Variants in TAF3 observed in about 807,000 individuals in gnomAD.
The protein encoded by TAF3 is TATA-box binding protein associated factor 3.
In TAF3, 7 loss-of-function variants were observed where a neutral mutation model predicts 80.6. The ratio of observed to expected loss-of-function variants is 0.09; its 90% CI spans 0.05 to 0.16. TAF3 has a LOEUF of 0.16. Among genes scored for constraint, TAF3 ranks in the 10% least tolerant of loss-of-function variants. The pLI is 1.00. For synonymous variants in TAF3, 444 were observed against 446.1 expected (o/e 1.00, Z 0.06); for missense variants, 921 against 1,140.2 (o/e 0.81, Z 2.77).
In TAF3 at chr10:7,914,221, G is replaced by T. The variant is rs148538084; in HGVS notation, c.410-49699G>T. ...AAAATACCTTTTCTATTAGAAATAC[G>T]TATGGAATTACTTACTGGTGAAATA... On this transcript the variant is annotated intron_variant, in intron 2 of 6. Transcript: ENST00000344293. Among the ~76,000 whole-genome samples the T allele has an allele frequency of 2.6e-3, 393 of 152,274 alleles. 1 individual carries two copies. The highest frequency in any genetic ancestry group is 3.9e-3 in the Non-Finnish European group (263 of 68,028).
At chr10:7,850,532 C>G (rs1056517396) in intron 2 of TAF3, among the ~76,000 whole-genome samples, 3 of 151,822 alleles carry the variant, frequency 2.0e-5, no homozygotes, top group African/African-American at 7.3e-5. Flanking sequence ...AAAAATTAGC[C>G]AGGCATGGTG....
intron 2 of TAF3, among the ~76,000 whole-genome samples, chr10:7,913,374 C>T (rs1241027794): frequency 2.0e-5 from 3 of 152,216 alleles, no homozygotes; most frequent in Non-Finnish European, 4.4e-5. Flanking sequence ...GCAGCCACTC[C>T]AGCTCTCATT....
At position 7,939,577 on chromosome 10, in the gene TAF3, TACACACACACACACAC is replaced by T. The variant is rs71385681; in HGVS notation, c.410-24314_410-24299del. On this transcript the variant is annotated intron_variant, in intron 2 of 6. Transcript: ENST00000344293. ...GACAATGTAGGAAATAGAAGAAAAC[TACACACACACACACAC>T]ACACACACACACACACACACACACA... Among the ~76,000 whole-genome samples, 59 of 139,304 alleles carry T rather than the reference TACACACACACACACAC, an allele frequency of 4.2e-4. 1 individual carries two copies. The highest frequency in any genetic ancestry group is 8.7e-4 in the African/African-American group (32 of 36,974). 91.4% of individuals were successfully genotyped at this position (139,304 alleles called of 152,430 possible).
chr10:7,851,299 C>T (rs1837024321), intron 2 of TAF3, among the ~76,000 whole-genome samples: 1 of 152,096 alleles, frequency 6.6e-6, no homozygotes, highest in Non-Finnish European at 1.5e-5. Context: ...CAGAGAGGAT[C>T]TGGTGTAAGG....
intron 4 of TAF3, among the ~76,000 whole-genome samples, chr10:8,006,907 T>C (rs1486071984): frequency 6.6e-6 from 1 of 152,232 alleles, no homozygotes; most frequent in African/African-American, 2.4e-5. Flanking sequence ...TACAACCCTC[T>C]GAGGCCACTG....
chr10:7,861,405 C>T (rs973404074), intron 2 of TAF3, among the ~76,000 whole-genome samples: 3 of 151,978 alleles, frequency 2.0e-5, no homozygotes, highest in Admixed American at 2.0e-4. Flanking sequence ...CGCACCCAGC[C>T]AACAGGAGCC....
intron 1 of TAF3, among the ~76,000 whole-genome samples, chr10:7,821,359 T>C (rs1449079521): frequency 6.6e-6 from 1 of 152,178 alleles, no homozygotes; most frequent in African/African-American, 2.4e-5. Context: ...TTTAAATCCT[T>C]TCTGTTGTTT....
chr10:7,884,312 C>A (rs1161254790), intron 2 of TAF3, among the ~76,000 whole-genome samples: 1 of 151,936 alleles, frequency 6.6e-6, no homozygotes, highest in Non-Finnish European at 1.5e-5. Flanking sequence ...TACTTTCTGG[C>A]CCAAGAAGAT....
intron 2 of TAF3, among the ~76,000 whole-genome samples, chr10:7,906,964 T>C (rs1837613618): frequency 6.6e-6 from 1 of 151,990 alleles, no homozygotes; most frequent in Non-Finnish European, 1.5e-5. Context: ...AGACTTTGCA[T>C]GTGAAGTGTA....
At chr10:7,857,910 A>ATTTTT (rs140922817) in intron 2 of TAF3, among the ~76,000 whole-genome samples, 6 of 138,542 alleles carry the variant, frequency 4.3e-5, no homozygotes, top group South Asian at 4.6e-4. Context: ...AACATTTCTG[A>ATTTTT]TTTTTTTTTT....
intron 2 of TAF3, among the ~76,000 whole-genome samples, chr10:7,958,997 G>A (rs758676243): frequency 1.3e-4 from 19 of 151,938 alleles, no homozygotes; most frequent in Admixed American, 2.0e-4. Flanking sequence ...AAAATTAGCC[G>A]GGCGTGGTGA....
intron 2 of TAF3, among the ~76,000 whole-genome samples, chr10:7,889,587 T>A (rs1837440123): frequency 6.6e-6 from 1 of 152,206 alleles, no homozygotes; most frequent in Non-Finnish European, 1.5e-5. Flanking sequence ...ATGCCTCCTG[T>A]CCCTTCCTCA....
intron 2 of TAF3, among the ~76,000 whole-genome samples, chr10:7,932,160 G>A (rs1038996039): frequency 6.6e-6 from 1 of 152,144 alleles, no homozygotes; most frequent in Admixed American, 6.5e-5. Context: ...GTTTTAAAAA[G>A]TAAAAGGAGG....
chr10:7,852,471 T>G (rs1005707257), intron 2 of TAF3, among the ~76,000 whole-genome samples: 2 of 152,232 alleles, frequency 1.3e-5, no homozygotes, highest in African/African-American at 4.8e-5. Flanking sequence ...CTGCGTTGTT[T>G]GTCCTGTAGA....
At chr10:7,892,358 T>C (rs1837463991) in intron 2 of TAF3, among the ~76,000 whole-genome samples, 1 of 152,196 alleles carries the variant, frequency 6.6e-6, no homozygotes, top group African/African-American at 2.4e-5. Context: ...GGAATGTATG[T>C]TCCTTTCTTC....
At chr10:7,905,998 A>T (rs894651598) in intron 2 of TAF3, among the ~76,000 whole-genome samples, 1 of 152,238 alleles carries the variant, frequency 6.6e-6, no homozygotes, top group African/African-American at 2.4e-5. Flanking sequence ...GCAACTGCTG[A>T]TCAGGCAAAA....
chr10:7,846,187 G>T (rs1836970485), intron 2 of TAF3, among the ~76,000 whole-genome samples: 2 of 152,092 alleles, frequency 1.3e-5, no homozygotes. Context: ...TCGATCTCCT[G>T]ACCTCGTGAT....
intron 3 of TAF3, among the ~76,000 whole-genome samples, chr10:7,973,404 T>A (rs1265424079): frequency 6.6e-6 from 1 of 152,228 alleles, no homozygotes. Flanking sequence ...TCATCACTGA[T>A]GACTGTGTAA....
intron 3 of TAF3, among the ~76,000 whole-genome samples, chr10:7,973,011 A>G (rs1438226249): frequency 6.6e-6 from 1 of 152,236 alleles, no homozygotes; most frequent in Non-Finnish European, 1.5e-5. Context: ...AGTAGGGTGA[A>G]CAGGGGATGA....
Sources: gnomAD v4.1 joint callset for allele counts (sites outside exome capture counted in the v4.1 genomes callset) on GRCh38, gnomAD v4.1.1 for gene constraint, MANE v1.5 for transcripts, NCBI Gene and HGNC (gene_info 2026-07-23, HGNC 2026-07-21) for gene names.